ATP8B1: variants seen among roughly 807,000 people sequenced by gnomAD.
The protein encoded by ATP8B1 is ATPase phospholipid transporting 8B1, also known as phospholipid-transporting ATPase IC.
In ATP8B1, 80 loss-of-function variants were observed where a neutral mutation model predicts 149.9. The observed-to-expected ratio is 0.53, with a 90% CI of 0.45 to 0.64. ATP8B1 has a LOEUF of 0.64. ATP8B1 is among the 30% of genes least tolerant of loss of function. The pLI, the probability that ATP8B1 is intolerant of heterozygous loss-of-function variation, is 0.00. For synonymous variants in ATP8B1, 536 were observed against 562.8 expected (o/e 0.95, Z 0.67); for missense variants, 1,247 against 1,552.6 (o/e 0.80, Z 3.31).
intron 19 of ATP8B1, 197 bp downstream of exon 19, chr18:57,668,232 T>C (rs1911002324): frequency 7.0e-7 from 1 of 1,427,698 alleles, no homozygotes; most frequent in South Asian, 1.3e-5. Context: ...AAGAAACTGC[T>C]ACTGAGGGGG....
rs1228918999 is a variant in ATP8B1 at position 57,695,333 on chromosome 18, T to A, written c.782-4A>T. On this transcript the variant is annotated splice_polypyrimidine_tract_variant and splice_region_variant and intron_variant, in intron 9 of 27. Coordinates refer to ENST00000648908, the MANE Select transcript of ATP8B1 (RefSeq NM_001374385.1). Reference sequence around the variant, plus strand: ...GGTTCTTCACATTCAATAAAACCTTTTAAAAATATAAGATTCACATAATTA... The same window carrying A: ...GGTTCTTCACATTCAATAAAACCTTATAAAAATATAAGATTCACATAATTA... The A allele has an allele frequency of 6.3e-7, 1 of 1,597,988 alleles. No individual in the cohort carries two copies. The highest frequency in any genetic ancestry group is 8.6e-7 in the Non-Finnish European group (1 of 1,165,732).
At chr18:57,655,460 T>C in intron 22 of ATP8B1, 43 bp from the exon 23 acceptor site, 3 of 1,555,998 alleles carry the variant, frequency 1.9e-6, no homozygotes, top group Non-Finnish European at 2.7e-6. Flanking sequence ...ATAAACCGAT[T>C]GTGAGGCAAA....
chr18:57,782,782 C>T (rs2080368533), intron 1 of ATP8B1, among the ~76,000 whole-genome samples: 1 of 136,856 alleles, frequency 7.3e-6, no homozygotes, highest in Admixed American at 7.7e-5. Context: ...ATACCTGGCT[C>T]AGATTAATTC....
At chr18:57,686,486 A>G (rs1471027409) in intron 13 of ATP8B1, among the ~76,000 whole-genome samples, 6 of 151,620 alleles carry the variant, frequency 4.0e-5, no homozygotes, top group Non-Finnish European at 7.4e-5. Flanking sequence ...GGCACACACA[A>G]TTTTGCTCAC....
At chr18:57,712,962 G>C (rs1428255168) in intron 2 of ATP8B1, among the ~76,000 whole-genome samples, 1 of 151,848 alleles carries the variant, frequency 6.6e-6, no homozygotes, top group East Asian at 1.9e-4. Context: ...TGATGAAAGA[G>C]CCCTTGAGCC....
chr18:57,689,327 T>C (rs1912413878), intron 12 of ATP8B1, among the ~76,000 whole-genome samples: 1 of 152,174 alleles, frequency 6.6e-6, no homozygotes, highest in South Asian at 2.1e-4. Context: ...GGCAAAAGGC[T>C]TTTGGCAAAT....
At chr18:57,704,458 A>C (rs568182118) in intron 4 of ATP8B1, 97 bp downstream of exon 4, 1 of 872,982 alleles carries the variant, frequency 1.1e-6, no homozygotes, top group Admixed American at 2.0e-5. Flanking sequence ...TGCTAATATA[A>C]AACACTTTCA....
rs1309361681 is a variant in ATP8B1, at chr18:57,781,031, A to T, written c.-26+21967T>A. Among the ~76,000 whole-genome samples the T allele has an allele frequency of 3.9e-5, 6 of 152,224 alleles. No homozygotes were observed. In the South Asian group the frequency reaches 1.0e-3, roughly 26 times the overall value. ...GTGTTTGGGTCAGCCCACTGTTTAA[A>T]ATGTTAAAATCAGACATGAAGACCA... is the stretch of plus-strand genomic sequence containing the variant. On this transcript the variant is annotated intron_variant, in intron 1 of 27. Coordinates refer to ENST00000648908, the MANE Select transcript of ATP8B1 (RefSeq NM_001374385.1).
chr18:57,697,723 C>T (rs759368821), intron 7 of ATP8B1, 35 bp from the exon 8 acceptor site: 60 of 1,613,484 alleles, frequency 3.7e-5, no homozygotes, highest in Non-Finnish European at 3.4e-6. Flanking sequence ...AACACCGAGA[C>T]CCTGAGGGAA....
intron 1 of ATP8B1, among the ~76,000 whole-genome samples, chr18:57,787,568 G>C (rs1404461297): frequency 6.6e-6 from 1 of 152,170 alleles, no homozygotes; most frequent in Non-Finnish European, 1.5e-5. Context: ...ACTGTGGGTG[G>C]GGAGTGTTGG....
At chr18:57,736,353 T>C (rs1568046840) in intron 1 of ATP8B1, among the ~76,000 whole-genome samples, 2 of 152,114 alleles carry the variant, frequency 1.3e-5, no homozygotes, top group Admixed American at 6.6e-5. Context: ...TTTGTTGTTG[T>C]TGTTGCCTGT....
intron 18 of ATP8B1, 65 bp from the exon 19 acceptor site, chr18:57,668,605 T>C (rs1240755597): frequency 1.8e-6 from 2 of 1,085,888 alleles, no homozygotes; most frequent in Non-Finnish European, 2.7e-6. Context: ...TTTCTGTAAT[T>C]ACAGGTTGCC....
intron 1 of ATP8B1, among the ~76,000 whole-genome samples, chr18:57,739,276 G>T (rs912533680): frequency 6.6e-6 from 1 of 152,154 alleles, no homozygotes; most frequent in Non-Finnish European, 1.5e-5. Flanking sequence ...AGGATTACAG[G>T]CATGAGCCAC....
chr18:57,791,586 C>A (rs1264117678), intron 1 of ATP8B1, among the ~76,000 whole-genome samples: 1 of 151,782 alleles, frequency 6.6e-6, no homozygotes, highest in African/African-American at 2.4e-5. Context: ...TCAAGTTATC[C>A]CCCAGCCTCG....
chr18:57,685,186 G>T, intron 13 of ATP8B1, 71 bp from the exon 14 acceptor site: 1 of 1,534,106 alleles, frequency 6.5e-7, no homozygotes, highest in Non-Finnish European at 9.0e-7. Flanking sequence ...ACCTGGCTTT[G>T]CTTATATAGT....
At chr18:57,668,374 G>T in intron 19 of ATP8B1, 55 bp downstream of exon 19, 1 of 1,471,386 alleles carries the variant, frequency 6.8e-7, no homozygotes, top group South Asian at 1.1e-5. Flanking sequence ...CAAAGGAAAC[G>T]GCAGCTATAA....
intron 1 of ATP8B1, among the ~76,000 whole-genome samples, chr18:57,799,703 TCAA>T (rs1568077414): frequency 1.3e-5 from 1 of 76,370 alleles, no homozygotes; most frequent in Non-Finnish European, 2.5e-5. Flanking sequence ...AGACTCTGTC[TCAA>T]AAAAAAAAAA....
chr18:57,698,933 T>G (rs1254853100), intron 6 of ATP8B1, among the ~76,000 whole-genome samples: 1 of 152,258 alleles, frequency 6.6e-6, no homozygotes, highest in African/African-American at 2.4e-5. Context: ...GAATGATGTG[T>G]GTAGGTGTCT....
rs572642600 is a variant in ATP8B1 at position 57,661,662 on chromosome 18, T to C, written c.2419-200A>G. 1.8e-3 allele frequency among the ~76,000 whole-genome samples: 182 copies of C among 100,542 alleles called. 2 individuals carry two copies. Among genetic ancestry groups the C allele is most frequent in the South Asian group, 9.3e-3 (28 of 3,016 alleles). 66.0% of individuals were successfully genotyped at this position (100,542 alleles called of 152,430 possible). Reference sequence around the variant, plus strand: ...ATATACACACGCACACATATATGTATGTGTGTATGTATATACACACACACA... The same window carrying C: ...ATATACACACGCACACATATATGTACGTGTGTATGTATATACACACACACA... On this transcript the variant is annotated intron_variant, in intron 21 of 27. Transcript: ENST00000648908.
Sources: allele counts gnomAD v4.1 joint callset (sites outside exome capture counted in the v4.1 genomes callset), GRCh38; gene constraint gnomAD v4.1.1; transcripts MANE v1.5; gene names NCBI Gene and HGNC (gene_info 2026-07-23, HGNC 2026-07-21).